KCNIP4: variants seen among roughly 807,000 people sequenced by gnomAD.
The protein encoded by KCNIP4 is potassium voltage-gated channel interacting protein 4, also known as Kv channel-interacting protein 4.
In KCNIP4, 12 loss-of-function variants were observed where a neutral mutation model predicts 34.0. That is an observed-to-expected ratio of 0.35 (90% CI 0.23 to 0.57). The LOEUF (loss-of-function observed/expected upper bound fraction) is 0.57, where lower values mean the gene tolerates loss of function less well. KCNIP4 is among the 20% of genes least tolerant of loss of function. The pLI is 0.83. For synonymous variants in KCNIP4, 124 were observed against 102.2 expected, an observed-to-expected ratio of 1.21 and a Z score of -1.29; for missense variants, 238 against 311.7, an observed-to-expected ratio of 0.76 and a Z score of 1.78.
At chr4:21,617,749 T>C (rs1744703299) in intron 1 of KCNIP4, among the ~76,000 whole-genome samples, 1 of 152,192 alleles carries the variant, frequency 6.6e-6, no homozygotes, top group Non-Finnish European at 1.5e-5. Flanking sequence ...ATAAACATGT[T>C]CAGAAATTAA....
At position 21,536,853 on chromosome 4, in the gene KCNIP4, G is replaced by A. The variant is rs150302443; in HGVS notation, c.61+411718C>T. On this transcript the variant is annotated intron_variant, in intron 1 of 8. Transcript: ENST00000382152. ...TATTAAAAAATAAAGCAAACAAAACGAACAGTGGATAATTACTTACCCAAA... is the reference window on the plus strand; with the variant it reads ...TATTAAAAAATAAAGCAAACAAAACAAACAGTGGATAATTACTTACCCAAA... Among the ~76,000 whole-genome samples the A allele has an allele frequency of 8.0e-4, 121 of 151,612 alleles. 1 individual carries two copies. In the East Asian group the frequency reaches 8.5e-3, roughly 11 times the overall value.
chr4:20,942,352 C>G (rs1731726331), intron 1 of KCNIP4, among the ~76,000 whole-genome samples: 1 of 152,178 alleles, frequency 6.6e-6, no homozygotes, highest in African/African-American at 2.4e-5. Flanking sequence ...GAACTCAGCC[C>G]AGGTCTCTCA....
chr4:21,041,005 C>T (rs1469389810), intron 1 of KCNIP4, among the ~76,000 whole-genome samples: 1 of 151,474 alleles, frequency 6.6e-6, no homozygotes, highest in Non-Finnish European at 1.5e-5. Context: ...CCATCAATGC[C>T]TTATATACTT....
At position 21,788,500 on chromosome 4, in the gene KCNIP4, G is replaced by A. The variant is rs138903609; in HGVS notation, c.61+160071C>T. Among the ~76,000 whole-genome samples the A allele has an allele frequency of 2.2e-4, 33 of 152,260 alleles. No individual in the cohort carries two copies. The South Asian group carries it at 4.4e-3, about 20-fold the overall frequency. On this transcript the variant is annotated intron_variant, in intron 1 of 8. Transcript: ENST00000382152. ...TCTAACCTCATCTACAGCCTGGCTT[G>A]CAAGATGGAACAAGATGCATGCATT...
intron 1 of KCNIP4, among the ~76,000 whole-genome samples, chr4:21,719,331 C>T (rs1714618029): frequency 1.3e-5 from 2 of 152,122 alleles, no homozygotes; most frequent in South Asian, 4.1e-4. Flanking sequence ...AATTTATTAT[C>T]TGCCTGCTGC....
chr4:21,053,632 A>C (rs1743131023), intron 1 of KCNIP4, among the ~76,000 whole-genome samples: 1 of 152,322 alleles, frequency 6.6e-6, no homozygotes, highest in African/African-American at 2.4e-5. Context: ...AATTGATAAA[A>C]ACAACTCCTG....
At chr4:21,649,736 G>A (rs1416607222) in intron 1 of KCNIP4, among the ~76,000 whole-genome samples, 1 of 152,146 alleles carries the variant, frequency 6.6e-6, no homozygotes, top group Non-Finnish European at 1.5e-5. Context: ...TTGAAGCCTT[G>A]CAAAGTGACA....
chr4:21,569,228 A>G (rs1361137283), intron 1 of KCNIP4, among the ~76,000 whole-genome samples: 1 of 120,002 alleles, frequency 8.3e-6, no homozygotes, highest in Non-Finnish European at 1.7e-5. Context: ...TAGGACACTG[A>G]TATTCTAAAA....
At position 21,785,080 on chromosome 4, in the gene KCNIP4, T is replaced by C. The variant is rs374737849; in HGVS notation, c.61+163491A>G. Among the ~76,000 whole-genome samples the C allele has an allele frequency of 3.9e-5, 6 of 152,276 alleles. No individual in the cohort carries two copies. In the East Asian group the frequency reaches 7.7e-4, roughly 20 times the overall value. On this transcript the variant is annotated intron_variant, in intron 1 of 8. Transcript: ENST00000382152. ...ACGTACAGCAGTAAAGATTGGTTAC[T>C]TTGGTCCATTAAGAATAGCGGTTTT...
intron 1 of KCNIP4, among the ~76,000 whole-genome samples, chr4:21,458,912 C>G (rs1729205601): frequency 6.6e-6 from 1 of 152,024 alleles, no homozygotes; most frequent in African/African-American, 2.4e-5. Flanking sequence ...TATGGACTAA[C>G]TGAACCCTTT....
intron 1 of KCNIP4, among the ~76,000 whole-genome samples, chr4:21,766,017 C>A (rs1319912009): frequency 6.6e-6 from 1 of 151,934 alleles, no homozygotes; most frequent in Non-Finnish European, 1.5e-5. Context: ...CAGCAGTGGA[C>A]CAGGATTGTA....
chr4:21,315,660 CA>C (rs1308331052), intron 1 of KCNIP4, among the ~76,000 whole-genome samples: 1 of 152,102 alleles, frequency 6.6e-6, no homozygotes, highest in African/African-American at 2.4e-5. Flanking sequence ...ATAATTAGTA[CA>C]AGGTGGGTGT....
At chr4:21,907,983 A>T (rs980326510) in intron 1 of KCNIP4, among the ~76,000 whole-genome samples, 1 of 152,192 alleles carries the variant, frequency 6.6e-6, no homozygotes, top group East Asian at 1.9e-4. Flanking sequence ...ACTTTACGTC[A>T]ACCATTTTAA....
chr4:20,847,396 A>T (rs1403601286), intron 3 of KCNIP4, among the ~76,000 whole-genome samples: 1 of 152,138 alleles, frequency 6.6e-6, no homozygotes, highest in Admixed American at 6.6e-5. Flanking sequence ...AAAAAAGAAA[A>T]TGCAAATTCT....
chr4:21,079,847 C>T (rs553226769), intron 1 of KCNIP4, among the ~76,000 whole-genome samples: 1 of 151,664 alleles, frequency 6.6e-6, no homozygotes, highest in Non-Finnish European at 1.5e-5. Context: ...GATGCAACTG[C>T]TAGATTTGAA....
intron 1 of KCNIP4, among the ~76,000 whole-genome samples, chr4:21,088,714 C>T (rs573247596): frequency 6.6e-6 from 1 of 152,254 alleles, no homozygotes; most frequent in East Asian, 1.9e-4. Flanking sequence ...TTTTGGGTCT[C>T]AGAATCAATG....
Position 20,729,964 on chromosome 4 carries a change from T to C in KCNIP4, c.*118A>G. ...TTGCTTTATATTAAAACAAAGCTTG[T>C]TTGCATAATATGCTTCAGTGTCAAG... On this transcript the variant is annotated 3_prime_UTR_variant, in exon 9 of 9. Coordinates refer to ENST00000382152, the MANE Select transcript of KCNIP4 (RefSeq NM_025221.6). 1 of 1,202,978 alleles carries C rather than the reference T, an allele frequency of 8.3e-7. No individual in the cohort carries two copies. Among genetic ancestry groups the C allele is most frequent in the Non-Finnish European group, 1.1e-6 (1 of 890,966 alleles). 74.5% of individuals were successfully genotyped at this position (1,202,978 alleles called of 1,614,324 possible).
chr4:20,811,326 G>A lies in KCNIP4; in HGVS notation c.288+39217C>T, dbSNP rs139874040. ...TGGCCATGGCACCAAACTTCAGTGTGTATTTAGGATCACCTTAGATGCATG... is the reference window on the plus strand; with the variant it reads ...TGGCCATGGCACCAAACTTCAGTGTATATTTAGGATCACCTTAGATGCATG... On this transcript the variant is annotated intron_variant, in intron 3 of 8. Transcript: ENST00000382152. 1.5e-3 allele frequency among the ~76,000 whole-genome samples: 234 copies of A among 152,292 alleles called. 1 individual carries two copies. Among genetic ancestry groups the A allele is most frequent in the East Asian group, 9.1e-3 (47 of 5,160 alleles).
At chr4:21,640,579 C>T (rs1192194513) in intron 1 of KCNIP4, among the ~76,000 whole-genome samples, 1 of 152,110 alleles carries the variant, frequency 6.6e-6, no homozygotes, top group Non-Finnish European at 1.5e-5. Flanking sequence ...GCTTCTGATC[C>T]ATGTTCCAGC....
Sources: gnomAD v4.1 joint callset for allele counts (sites outside exome capture counted in the v4.1 genomes callset) on GRCh38, gnomAD v4.1.1 for gene constraint, MANE v1.5 for transcripts, NCBI Gene and HGNC (gene_info 2026-07-23, HGNC 2026-07-21) for gene names.